KCMF1: variants seen among roughly 807,000 people sequenced by gnomAD.
KCMF1 encodes E3 ubiquitin-protein ligase KCMF1.
In KCMF1, 3 loss-of-function variants were observed where a neutral mutation model predicts 41.1. The ratio of observed to expected loss-of-function variants is 0.07; its 90% CI spans 0.03 to 0.19. KCMF1 has a LOEUF of 0.19. KCMF1 is among the 10% of genes least tolerant of loss of function. The pLI, the probability that KCMF1 is intolerant of heterozygous loss-of-function variation, is 1.00. For missense variants in KCMF1, 286 were observed against 488.9 expected (o/e 0.58, Z 3.91); for synonymous variants, 142 against 164.5 (o/e 0.86, Z 1.04).
intron 1 of KCMF1, among the ~76,000 whole-genome samples, chr2:84,991,746 G>A (rs1411858476): frequency 6.6e-6 from 1 of 152,190 alleles, no homozygotes; most frequent in Non-Finnish European, 1.5e-5. Context: ...AAGGAAATCA[G>A]CCGCAACAGC....
rs182135296 is a variant in KCMF1, at chr2:85,022,137, T to A, written c.17-5752T>A. Among the ~76,000 whole-genome samples the A allele has an allele frequency of 1.1e-4, 17 of 152,180 alleles. No individual in the cohort carries two copies. In the East Asian group the frequency reaches 2.9e-3, roughly 26 times the overall value. On this transcript the variant is annotated intron_variant, in intron 1 of 6. Transcript: ENST00000409785. ...CGGCCTGTTTTTTTTGTTGTTGTTTTTTGTTTTAATAAAAACATATTCATT... is the reference window on the plus strand; with the variant it reads ...CGGCCTGTTTTTTTTGTTGTTGTTTATTGTTTTAATAAAAACATATTCATT...
At chr2:85,007,953 G>C (rs1674513094) in intron 1 of KCMF1, among the ~76,000 whole-genome samples, 1 of 151,802 alleles carries the variant, frequency 6.6e-6, no homozygotes, top group Admixed American at 6.6e-5. Context: ...AGTAGAGATG[G>C]GGTTTCACCA....
intron 1 of KCMF1, among the ~76,000 whole-genome samples, chr2:84,988,507 TTGA>T (rs375953326): frequency 2.0e-5 from 3 of 152,288 alleles, no homozygotes; most frequent in African/African-American, 7.2e-5. Flanking sequence ...GGCACAGTGT[TTGA>T]TAGAGCTGGA....
intron 3 of KCMF1, among the ~76,000 whole-genome samples, chr2:85,036,905 G>A (rs1675415400): frequency 6.6e-6 from 1 of 150,430 alleles, no homozygotes; most frequent in Non-Finnish European, 1.5e-5. Context: ...TCAGCCAATA[G>A]TCCCTAGTAT....
intron 1 of KCMF1, among the ~76,000 whole-genome samples, chr2:85,009,530 G>A (rs923593019): frequency 6.6e-6 from 1 of 152,044 alleles, no homozygotes; most frequent in Admixed American, 6.6e-5. Flanking sequence ...TCTCTGTTCT[G>A]GAAAGTTTTC....
At chr2:85,008,205 T>C (rs1361926528) in intron 1 of KCMF1, among the ~76,000 whole-genome samples, 1 of 132,482 alleles carries the variant, frequency 7.5e-6, no homozygotes, top group African/African-American at 2.7e-5. Context: ...CCTTGTTTTA[T>C]GTGTATTTCT....
intron 1 of KCMF1, among the ~76,000 whole-genome samples, chr2:84,973,879 G>T (rs1350144518): frequency 2.2e-5 from 3 of 138,180 alleles, no homozygotes; most frequent in African/African-American, 8.2e-5. Context: ...CCAGGTTGGA[G>T]TGCAGTGGCG....
intron 5 of KCMF1, among the ~76,000 whole-genome samples, chr2:85,048,776 A>G (rs1169452077): frequency 6.6e-6 from 1 of 152,242 alleles, no homozygotes; most frequent in African/African-American, 2.4e-5. Context: ...GAGCACTGGT[A>G]GTGGTATCTA....
At chr2:84,979,891 C>T (rs946054630) in intron 1 of KCMF1, among the ~76,000 whole-genome samples, 18 of 151,724 alleles carry the variant, frequency 1.2e-4, no homozygotes, top group Admixed American at 7.9e-4. Context: ...GGCGCGATCT[C>T]GGCTCACCGC....
chr2:85,014,710 T>C (rs571384903), intron 1 of KCMF1, among the ~76,000 whole-genome samples: 19 of 128,182 alleles, frequency 1.5e-4, no homozygotes, highest in Admixed American at 9.6e-4. Context: ...GGCGCGCGCG[T>C]GCGTGCGTGC....
chr2:85,049,618 C>T lies in KCMF1; in HGVS notation c.854C>T (p.Thr285Ile). ...NIANTESSQQ[T>I]LQNSQFLLTR... ...GCTAATACAGAAAGCAGTCAGCAGA[C>T]TCTACAGAATTCCCAGTTTCTTTTA... The change falls in exon 6 of 7, where the codon ACT (threonine) becomes ATT (isoleucine). Residue 285 changes from threonine to isoleucine, a missense_variant. By Grantham distance (89) the Thr-to-Ile change is moderately conservative. Around this residue, in one of 2 missense-constraint regions of KCMF1, gnomAD observed 191 missense variants for 279.3 expected, o/e 0.68. Coordinates refer to ENST00000409785, the MANE Select transcript of KCMF1 (RefSeq NM_020122.5). 1.9e-6 allele frequency: 3 copies of T among 1,613,686 alleles called. 1 individual carries two copies. The highest frequency in any genetic ancestry group is 3.3e-4 in the Middle Eastern group (2 of 6,060).
intron 3 of KCMF1, among the ~76,000 whole-genome samples, chr2:85,040,208 G>A (rs887819291): frequency 6.6e-6 from 1 of 152,166 alleles, no homozygotes; most frequent in African/African-American, 2.4e-5. Flanking sequence ...TTTTAAGCTT[G>A]TGTGTTACAT....
At chr2:84,976,453 A>C (rs1673547550) in intron 1 of KCMF1, among the ~76,000 whole-genome samples, 1 of 151,582 alleles carries the variant, frequency 6.6e-6, no homozygotes, top group Non-Finnish European at 1.5e-5. Context: ...TGATCCACCC[A>C]CCTCAGCCTC....
chr2:85,049,431 T>C lies in KCMF1; in HGVS notation c.667T>C (p.Ser223Pro). 6.2e-7 allele frequency: 1 copy of C among 1,614,048 alleles called. No homozygotes were observed. The change falls in exon 6 of 7, where the codon TCC becomes CCC. Residue 223 changes from serine to proline, a missense_variant. Ser to Pro is a moderately conservative substitution (Grantham distance 74). This residue lies in a region of KCMF1 where 191 missense variants were observed against 279.3 expected (regional missense o/e 0.68). Transcript: ENST00000409785. Reference sequence around the variant, plus strand: ...AGGACAGCTTAATTCCTCTGGCCCTTCCGCTTCTCAGTTACAACAACTGCA... The same window carrying C: ...AGGACAGCTTAATTCCTCTGGCCCTCCCGCTTCTCAGTTACAACAACTGCA... Reference protein sequence around the residue: ...AGGQLNSSGPSASQLQQLQMQ... With the variant: ...AGGQLNSSGPPASQLQQLQMQ...
At chr2:85,034,316 T>A (rs1327777330) in intron 2 of KCMF1, among the ~76,000 whole-genome samples, 4 of 152,224 alleles carry the variant, frequency 2.6e-5, no homozygotes, top group African/African-American at 4.8e-5. Context: ...CTCATATTGA[T>A]CATGGTTGTC....
intron 1 of KCMF1, among the ~76,000 whole-genome samples, chr2:85,016,050 T>C (rs1674760630): frequency 6.6e-6 from 1 of 152,234 alleles, no homozygotes. Flanking sequence ...AAAAGCCGAT[T>C]TCCAGTCAGA....
At chr2:84,998,930 C>G (rs1049321746) in intron 1 of KCMF1, among the ~76,000 whole-genome samples, 2 of 75,288 alleles carry the variant, frequency 2.7e-5, no homozygotes, top group South Asian at 6.2e-4. Context: ...ATCTATCTAT[C>G]TATCTATCTA....
chr2:85,028,854 C>T (rs935524005), intron 2 of KCMF1, among the ~76,000 whole-genome samples: 7 of 152,106 alleles, frequency 4.6e-5, no homozygotes, highest in South Asian at 2.1e-4. Flanking sequence ...TTAAAAAAAC[C>T]ATTCAGAAAT....
At chr2:84,989,372 G>A (rs1673982302) in intron 1 of KCMF1, among the ~76,000 whole-genome samples, 1 of 152,194 alleles carries the variant, frequency 6.6e-6, no homozygotes. Context: ...GTAGGGGGAA[G>A]GCATAGATAG....
Sources: allele counts gnomAD v4.1 joint callset (sites outside exome capture counted in the v4.1 genomes callset), GRCh38; gene constraint gnomAD v4.1.1; regional missense constraint gnomAD v4.1.1; transcripts MANE v1.5; gene names NCBI Gene and HGNC (gene_info 2026-07-23, HGNC 2026-07-21).